The following LDB2 variants were observed in gnomAD, a reference collection of about 807,000 sequenced individuals.
LDB2 encodes LIM domain-binding protein 2.
A neutral mutation model predicts 44.3 loss-of-function variants in LDB2; 12 were observed. The ratio of observed to expected loss-of-function variants is 0.27; its 90% CI spans 0.17 to 0.44. LDB2 has a LOEUF of 0.44. Among genes scored for constraint, LDB2 ranks in the 20% least tolerant of loss-of-function variants. LDB2 has a pLI of 1.00. For synonymous variants in LDB2, 164 were observed against 174.8 expected (o/e 0.94, Z 0.49); for missense variants, 344 against 473.5 (o/e 0.73, Z 2.54).
chr4:16,673,834 G>A (rs1370076796), intron 2 of LDB2, among the ~76,000 whole-genome samples: 3 of 152,148 alleles, frequency 2.0e-5, no homozygotes, highest in Non-Finnish European at 4.4e-5. Flanking sequence ...GGGAAAGCAT[G>A]GGCTACCCTG....
At chr4:16,679,276 AC>A (rs1433902678) in intron 2 of LDB2, among the ~76,000 whole-genome samples, 9 of 152,184 alleles carry the variant, frequency 5.9e-5, no homozygotes, top group Admixed American at 3.3e-4. Flanking sequence ...AAAGGGAATA[AC>A]AAAAAGTGAG....
chr4:16,715,834 T>G (rs1021936992), intron 2 of LDB2, among the ~76,000 whole-genome samples: 1 of 152,150 alleles, frequency 6.6e-6, no homozygotes, highest in African/African-American at 2.4e-5. Flanking sequence ...TACGTGTGCA[T>G]GGAAGTGGTG....
At chr4:16,563,224 A>G (rs1045849740) in intron 5 of LDB2, among the ~76,000 whole-genome samples, 1 of 151,710 alleles carries the variant, frequency 6.6e-6, no homozygotes, top group Non-Finnish European at 1.5e-5. Flanking sequence ...AATAATAATA[A>G]TAATAAAAAG....
chr4:16,518,926 C>T (rs975557093), intron 5 of LDB2, among the ~76,000 whole-genome samples: 5 of 152,136 alleles, frequency 3.3e-5, no homozygotes, highest in Admixed American at 3.3e-4. Context: ...TAAGTCACAC[C>T]ATCTGAACCA....
At chr4:16,678,427 A>G (rs1746894667) in intron 2 of LDB2, among the ~76,000 whole-genome samples, 2 of 152,114 alleles carry the variant, frequency 1.3e-5, no homozygotes, top group Admixed American at 6.5e-5. Context: ...TGTCTGATTT[A>G]TGTGTGTCCC....
At chr4:16,663,348 G>T (rs186922738) in intron 2 of LDB2, among the ~76,000 whole-genome samples, 19 of 152,252 alleles carry the variant, frequency 1.2e-4, no homozygotes, top group Non-Finnish European at 2.2e-4. Flanking sequence ...CTCCCACCAT[G>T]GCTAATTTCA....
rs146642700 is a variant in LDB2 at position 16,836,918 on chromosome 4, T to A, written c.132+61436A>T. Among the ~76,000 whole-genome samples, 1,205 of 152,322 alleles carry A rather than the reference T, an allele frequency of 7.9e-3. 7 individuals carry two copies. The highest frequency in any genetic ancestry group is 0.025 in the South Asian group (123 of 4,830). On this transcript the variant is annotated intron_variant, in intron 1 of 7. Coordinates refer to ENST00000304523, the MANE Select transcript of LDB2 (RefSeq NM_001290.5). Reference sequence around the variant, plus strand: ...TGTAGGAAGGTCTAATTAAAATCTCTAGAATTTAATTCTGGAGATTTTAAA... The same window carrying A: ...TGTAGGAAGGTCTAATTAAAATCTCAAGAATTTAATTCTGGAGATTTTAAA...
At chr4:16,526,686 CTT>C (rs1054453281) in intron 5 of LDB2, among the ~76,000 whole-genome samples, 1 of 152,190 alleles carries the variant, frequency 6.6e-6, no homozygotes, top group Admixed American at 6.5e-5. Context: ...GACATTGTGT[CTT>C]TGAAAATAAA....
At chr4:16,894,247 T>A (rs1280888689) in intron 1 of LDB2, among the ~76,000 whole-genome samples, 1 of 152,128 alleles carries the variant, frequency 6.6e-6, no homozygotes, top group Middle Eastern at 3.2e-3. Flanking sequence ...ATACATGAAT[T>A]TTGGAAGACA....
At chr4:16,651,926 C>T (rs1159669926) in intron 2 of LDB2, among the ~76,000 whole-genome samples, 1 of 152,116 alleles carries the variant, frequency 6.6e-6, no homozygotes, top group Non-Finnish European at 1.5e-5. Context: ...TACTATATCC[C>T]AAGAATTCTA....
At chr4:16,832,106 T>C (rs1164863198) in intron 1 of LDB2, among the ~76,000 whole-genome samples, 1 of 152,262 alleles carries the variant, frequency 6.6e-6, no homozygotes, top group East Asian at 1.9e-4. Flanking sequence ...CAGCTGAACA[T>C]AGTCCCAACT....
At chr4:16,822,165 C>G (rs1782219804) in intron 1 of LDB2, among the ~76,000 whole-genome samples, 1 of 151,862 alleles carries the variant, frequency 6.6e-6, no homozygotes, top group Non-Finnish European at 1.5e-5. Flanking sequence ...CTATGTACAG[C>G]TCAGCTGCTA....
At position 16,553,191 on chromosome 4, in the gene LDB2, G is replaced by A. The variant is rs1738269713; in HGVS notation, c.615+32731C>T. Among the ~76,000 whole-genome samples the A allele has an allele frequency of 2.6e-5, 4 of 152,176 alleles. No individual in the cohort carries two copies. The South Asian group carries it at 8.3e-4, about 32-fold the overall frequency. ...TTTTTGAGACAGGGTACCTTGCTCTGTCGCCTAGGCTGGAGTGCAGTAGCA... is the reference window on the plus strand; with the variant it reads ...TTTTTGAGACAGGGTACCTTGCTCTATCGCCTAGGCTGGAGTGCAGTAGCA... On this transcript the variant is annotated intron_variant, in intron 5 of 7. Coordinates refer to ENST00000304523, the MANE Select transcript of LDB2 (RefSeq NM_001290.5).
At chr4:16,873,501 CA>C (rs113226002) in intron 1 of LDB2, among the ~76,000 whole-genome samples, 126 of 143,386 alleles carry the variant, frequency 8.8e-4, no homozygotes, top group Admixed American at 7.7e-4. Context: ...GATCTTATGA[CA>C]AAAAAAAAAA....
At chr4:16,589,231 G>C (rs1321343365) in intron 3 of LDB2, among the ~76,000 whole-genome samples, 1 of 152,142 alleles carries the variant, frequency 6.6e-6, no homozygotes, top group Non-Finnish European at 1.5e-5. Context: ...CCTGCTCTAG[G>C]ACAAAGTACC....
intron 2 of LDB2, among the ~76,000 whole-genome samples, chr4:16,616,223 A>C (rs746879477): frequency 2.6e-5 from 4 of 152,154 alleles, no homozygotes; most frequent in Admixed American, 6.5e-5. Context: ...GCGTTTCATA[A>C]ATAAACATCT....
intron 2 of LDB2, among the ~76,000 whole-genome samples, chr4:16,683,333 T>A (rs1241349853): frequency 6.6e-6 from 1 of 152,208 alleles, no homozygotes; most frequent in Non-Finnish European, 1.5e-5. Flanking sequence ...CAATTATAAA[T>A]TCACATAGTC....
intron 2 of LDB2, among the ~76,000 whole-genome samples, chr4:16,715,432 A>G (rs1468249286): frequency 6.6e-6 from 1 of 152,222 alleles, no homozygotes; most frequent in Admixed American, 6.5e-5. Context: ...ATAGATGTCA[A>G]CATGATTCTA....
intron 1 of LDB2, among the ~76,000 whole-genome samples, chr4:16,781,886 G>A (rs1351837977): frequency 6.6e-6 from 1 of 152,134 alleles, no homozygotes; most frequent in Non-Finnish European, 1.5e-5. Flanking sequence ...GGTAAAGGTT[G>A]GAGTGTCACA....
Sources: allele counts gnomAD v4.1 joint callset (sites outside exome capture counted in the v4.1 genomes callset), GRCh38; gene constraint gnomAD v4.1.1; transcripts MANE v1.5; gene names NCBI Gene and HGNC (gene_info 2026-07-23, HGNC 2026-07-21).